Variants in KDM2A observed in about 807,000 individuals in gnomAD.
KDM2A encodes the protein lysine demethylase 2A, also known as lysine-specific demethylase 2A.
Under a neutral mutation model 137.3 loss-of-function variants are expected in KDM2A, and 3 were observed. The observed-to-expected ratio is 0.02, with a 90% confidence interval of 0.01 to 0.06. KDM2A has a LOEUF of 0.06. KDM2A is among the 10% of genes least tolerant of loss of function. KDM2A has a pLI of 1.00. For synonymous variants in KDM2A, 512 were observed against 541.5 expected, an observed-to-expected ratio of 0.95 and a Z score of 0.76; for missense variants, 738 against 1,510.6, an observed-to-expected ratio of 0.49 and a Z score of 8.48.
intron 10 of KDM2A, among the ~76,000 whole-genome samples, chr11:67,227,686 C>T (rs567574432): frequency 6.6e-6 from 1 of 152,278 alleles, no homozygotes; most frequent in South Asian, 2.1e-4. Flanking sequence ...TCTCATTCCT[C>T]AGCCTCCCGA....
chr11:67,207,479 A>G, intron 5 of KDM2A, 31 bp from the exon 6 acceptor site: 1 of 1,537,678 alleles, frequency 6.5e-7, no homozygotes, highest in Non-Finnish European at 8.8e-7. Context: ...TAGTGGCTCG[A>G]TAGAGATGAT....
intron 6 of KDM2A, among the ~76,000 whole-genome samples, chr11:67,208,385 A>C (rs1590786602): frequency 6.6e-6 from 1 of 151,868 alleles, no homozygotes; most frequent in Non-Finnish European, 1.5e-5. Flanking sequence ...GAAATCACTT[A>C]ATTTTATATA....
chr11:67,224,996 C>T (rs61889547), intron 10 of KDM2A, among the ~76,000 whole-genome samples: 2 of 151,812 alleles, frequency 1.3e-5, no homozygotes, highest in Admixed American at 6.6e-5. Context: ...TATGCACCAC[C>T]ACGCTAATTT....
At chr11:67,239,957 A>AGT in intron 12 of KDM2A, 1 of 896,488 alleles carries the variant, frequency 1.1e-6, no homozygotes, top group Non-Finnish European at 1.5e-6. Context: ...GCAGTTGCTG[A>AGT]ACACACCCCC....
chr11:67,255,484 CT>C lies in KDM2A; in HGVS notation c.*431del. 2.2e-6 allele frequency: 1 copy of C among 458,624 alleles called. No individual in the cohort carries two copies. Among genetic ancestry groups the C allele is most frequent in the South Asian group, 1.5e-5 (1 of 64,576 alleles). The allele number at this position is 458,624 out of a possible 1,614,324, so 28.4% of individuals were successfully genotyped here. A position where few individuals can be genotyped will look rare whatever the true frequency, so the allele number is the denominator to read the frequency against. ...ACGGCCCTGTCTCCATGGCCAGGTT[CT>C]TGTGGTGTCCAGTGCGCGTCTCTCC... On this transcript the variant is annotated 3_prime_UTR_variant, in exon 21 of 21. Transcript: ENST00000529006.
chr11:67,135,255 A>G (rs1213749942), intron 2 of KDM2A, among the ~76,000 whole-genome samples: 1 of 152,026 alleles, frequency 6.6e-6, no homozygotes, highest in Non-Finnish European at 1.5e-5. Context: ...TTTAGTAGAG[A>G]AAAAGTTTCA....
At chr11:67,231,988 C>A in intron 12 of KDM2A, 28 bp downstream of exon 12, 1 of 1,574,778 alleles carries the variant, frequency 6.4e-7, no homozygotes, top group Non-Finnish European at 8.6e-7. Flanking sequence ...TACATGACAG[C>A]TACTGATCCA....
chr11:67,246,875 CAG>C (rs933230256), intron 15 of KDM2A, among the ~76,000 whole-genome samples: 1 of 151,306 alleles, frequency 6.6e-6, no homozygotes, highest in African/African-American at 2.4e-5. Flanking sequence ...AAATCTATAA[CAG>C]AAACAATAGT....
At chr11:67,224,101 C>G (rs978695548) in intron 10 of KDM2A, among the ~76,000 whole-genome samples, 18 of 152,146 alleles carry the variant, frequency 1.2e-4, no homozygotes, top group African/African-American at 3.9e-4. Flanking sequence ...TCTCCTTATT[C>G]CCCAGTGATG....
chr11:67,157,587 A>G (rs1268916440), intron 2 of KDM2A, among the ~76,000 whole-genome samples: 2 of 151,802 alleles, frequency 1.3e-5, no homozygotes, highest in African/African-American at 4.8e-5. Context: ...TCTACTAAAA[A>G]TACAAAAATT....
rs1421540313 is a variant in KDM2A at position 67,245,528 on chromosome 11, T to C, written c.1833+70T>C. 6.5e-7 allele frequency: 1 copy of C among 1,532,968 alleles called. No homozygotes were observed. The highest frequency in any genetic ancestry group is 2.3e-5 in the East Asian group (1 of 44,140). The allele number at this position is 1,532,968 out of a possible 1,614,324, so 95.0% of individuals were successfully genotyped here. A position where few individuals can be genotyped will look rare whatever the true frequency, so the allele number is the denominator to read the frequency against. The stretch of plus-strand genomic sequence containing the variant: ...GCCAAAGGAACTGAAATACATATAG[T>C]GTAGAGTTAAAGAGACTTCAGAGTT... On this transcript the variant is annotated intron_variant, in intron 14 of 20. Coordinates refer to ENST00000529006, the MANE Select transcript of KDM2A (RefSeq NM_012308.3). This position sits in a 1 kb window ranked among gnomAD's most constrained non-coding sequence, Gnocchi z 4.1.
chr11:67,249,322 G>A (rs554868305), intron 16 of KDM2A, among the ~76,000 whole-genome samples: 2 of 152,186 alleles, frequency 1.3e-5, no homozygotes, highest in Non-Finnish European at 2.9e-5. Context: ...ATTGGAAAAG[G>A]TAGCACCCAA....
intron 2 of KDM2A, among the ~76,000 whole-genome samples, chr11:67,122,749 C>G (rs1251183437): frequency 6.6e-6 from 1 of 151,604 alleles, no homozygotes; most frequent in Admixed American, 6.6e-5. Flanking sequence ...AATCTCTGCT[C>G]ACTGCACGCT....
chr11:67,162,343 C>T (rs975159542), intron 2 of KDM2A, among the ~76,000 whole-genome samples: 4 of 152,062 alleles, frequency 2.6e-5, no homozygotes, highest in African/African-American at 9.7e-5. Flanking sequence ...GCTCACTTCT[C>T]CTGAAGCACC....
At chr11:67,166,762 T>A (rs1197614990) in intron 2 of KDM2A, among the ~76,000 whole-genome samples, 1 of 151,988 alleles carries the variant, frequency 6.6e-6, no homozygotes, top group Non-Finnish European at 1.5e-5. Context: ...CTGGTTCAGG[T>A]TGGAAACTGA....
intron 2 of KDM2A, among the ~76,000 whole-genome samples, chr11:67,134,789 G>C (rs1305242608): frequency 3.3e-5 from 5 of 152,158 alleles, no homozygotes; most frequent in African/African-American, 1.2e-4. Context: ...ACAAGTGTGA[G>C]CCACCTCACC....
chr11:67,148,375 T>G (rs1390912918), intron 2 of KDM2A, among the ~76,000 whole-genome samples: 1 of 151,988 alleles, frequency 6.6e-6, no homozygotes, highest in Non-Finnish European at 1.5e-5. Context: ...GAGCTGTGAT[T>G]GCACCACTGC....
intron 15 of KDM2A, 38 bp from the exon 16 acceptor site, chr11:67,248,243 A>C (rs1859308292): frequency 7.1e-7 from 1 of 1,412,574 alleles, no homozygotes; most frequent in Admixed American, 1.9e-5. Flanking sequence ...AGGAAGCTTG[A>C]GAGACAGGCT....
At chr11:67,181,179 A>G in intron 3 of KDM2A, 141 bp from the exon 4 acceptor site, 1 of 461,006 alleles carries the variant, frequency 2.2e-6, no homozygotes, top group African/African-American at 2.0e-5. Context: ...TACTAAGCAT[A>G]TATTTTATTG....
Sources: gnomAD v4.1 joint callset for allele counts (sites outside exome capture counted in the v4.1 genomes callset) on GRCh38, gnomAD v4.1.1 for gene constraint, Gnocchi (gnomAD v3.1) non-coding constraint, MANE v1.5 for transcripts, NCBI Gene and HGNC (gene_info 2026-07-23, HGNC 2026-07-21) for gene names.